Variants in NRG3 observed in about 807,000 individuals in gnomAD.
NRG3 encodes the protein neuregulin 3, also known as pro-neuregulin-3, membrane-bound isoform.
NRG3 carries 31 observed loss-of-function variants against 66.9 expected under a neutral mutation model. That is an observed-to-expected ratio of 0.46 (90% CI 0.35 to 0.63). The LOEUF (loss-of-function observed/expected upper bound fraction) is 0.63. Ranked by LOEUF, NRG3 falls within the 20% of genes least tolerant of loss-of-function variation. NRG3 has a pLI of 0.00. For synonymous variants in NRG3, 393 were observed against 359.4 expected (o/e 1.09, Z -1.06); for missense variants, 910 against 878.9 (o/e 1.04, Z -0.45).
chr10:82,785,197 G>GC (rs940071120), intron 3 of NRG3, among the ~76,000 whole-genome samples: 4 of 150,474 alleles, frequency 2.7e-5, no homozygotes, highest in African/African-American at 9.8e-5. Flanking sequence ...CACTCTGGGG[G>GC]CTGTTGTGGG....
chr10:82,354,560 T>G lies in NRG3; in HGVS notation c.824-4179T>G, dbSNP rs371716090. On this transcript the variant is annotated intron_variant, in intron 1 of 8. Transcript: ENST00000372141. Reference sequence around the variant, plus strand: ...TGCCTGCCACCATGCCTGGCTAATTTTTTGTATTTTTAGTAGAGACAGGGT... The same window carrying G: ...TGCCTGCCACCATGCCTGGCTAATTGTTTGTATTTTTAGTAGAGACAGGGT... Among the ~76,000 whole-genome samples the G allele has an allele frequency of 5.9e-5, 9 of 151,984 alleles. No individual in the cohort carries two copies. The East Asian group carries it at 7.7e-4, about 13-fold the overall frequency.
chr10:82,026,419 A>G (rs1329589670), intron 1 of NRG3, among the ~76,000 whole-genome samples: 1 of 152,106 alleles, frequency 6.6e-6, no homozygotes, highest in East Asian at 1.9e-4. Flanking sequence ...GGAGTGCTAG[A>G]AAAAGCTAAA....
chr10:81,886,230 G>A (rs1842604648), intron 1 of NRG3, among the ~76,000 whole-genome samples: 1 of 152,160 alleles, frequency 6.6e-6, no homozygotes, highest in Admixed American at 6.5e-5. Context: ...AGCAGGTACA[G>A]TTGGTAGCAC....
In NRG3 at chr10:82,461,709, CA is replaced by C. The variant is rs558366760; in HGVS notation, c.953+102842del. Among the ~76,000 whole-genome samples, 665 of 96,180 alleles carry C rather than the reference CA, an allele frequency of 6.9e-3. 5 individuals carry two copies. Among genetic ancestry groups the C allele is most frequent in the Non-Finnish European group, 9.8e-3 (536 of 54,420 alleles). The allele number at this position is 96,180 out of a possible 152,430, so 63.1% of individuals were successfully genotyped here. A position where few individuals can be genotyped will look rare whatever the true frequency, so the allele number is the denominator to read the frequency against. On this transcript the variant is annotated intron_variant, in intron 2 of 8. Coordinates refer to ENST00000372141, the MANE Select transcript of NRG3 (RefSeq NM_001010848.4). ...TACTCTATTTTGGCAACACCTGGCA[CA>C]GTGCTTGATACTTGATACAGGTGCA...
chr10:82,734,540 C>T (rs2134689815), intron 2 of NRG3, among the ~76,000 whole-genome samples: 1 of 152,180 alleles, frequency 6.6e-6, no homozygotes, highest in Non-Finnish European at 1.5e-5. Flanking sequence ...AAGACTCCTG[C>T]CCCCTCCCCA....
intron 2 of NRG3, among the ~76,000 whole-genome samples, chr10:82,441,440 G>A (rs965041114): frequency 6.6e-6 from 1 of 152,138 alleles, no homozygotes; most frequent in African/African-American, 2.4e-5. Flanking sequence ...TTTCAAATCC[G>A]GGGTCTGCTA....
intron 1 of NRG3, among the ~76,000 whole-genome samples, chr10:82,215,842 A>G (rs1005130970): frequency 6.6e-6 from 1 of 152,104 alleles, no homozygotes. Context: ...CCCTTTATAA[A>G]TAGTTAAAAT....
intron 1 of NRG3, among the ~76,000 whole-genome samples, chr10:82,105,856 T>C (rs1439084842): frequency 6.6e-6 from 1 of 152,186 alleles, no homozygotes; most frequent in Non-Finnish European, 1.5e-5. Flanking sequence ...TTTCCACGAA[T>C]ACTGCAGATA....
At chr10:82,285,162 C>G (rs1032746589) in intron 1 of NRG3, among the ~76,000 whole-genome samples, 1 of 152,178 alleles carries the variant, frequency 6.6e-6, no homozygotes, top group East Asian at 1.9e-4. Context: ...TAACTGCCTT[C>G]TGAGATGTTT....
At chr10:82,191,340 C>G (rs901965480) in intron 1 of NRG3, among the ~76,000 whole-genome samples, 97 of 152,050 alleles carry the variant, frequency 6.4e-4, no homozygotes, top group African/African-American at 2.3e-3. Context: ...TTCAAGCAAG[C>G]CTATGACTCT....
At chr10:82,762,108 C>T (rs2059352113) in intron 3 of NRG3, among the ~76,000 whole-genome samples, 1 of 149,940 alleles carries the variant, frequency 6.7e-6, no homozygotes, top group Non-Finnish European at 1.5e-5. Flanking sequence ...GGTGGGAGTG[C>T]AGTGGTGCAA....
intron 3 of NRG3, among the ~76,000 whole-genome samples, chr10:82,792,840 C>G (rs1265205320): frequency 6.6e-6 from 1 of 151,980 alleles, no homozygotes; most frequent in African/African-American, 2.4e-5. Context: ...GCCACAACGC[C>G]CAGCTAATTT....
chr10:82,230,724 CAG>C (rs2076413759), intron 1 of NRG3, among the ~76,000 whole-genome samples: 1 of 151,632 alleles, frequency 6.6e-6, no homozygotes, highest in African/African-American at 2.4e-5. Flanking sequence ...GTTTACAGAA[CAG>C]AATGAAAATG....
chr10:82,359,344 T>C (rs948437194), intron 2 of NRG3, among the ~76,000 whole-genome samples: 2 of 152,192 alleles, frequency 1.3e-5, no homozygotes, highest in South Asian at 2.1e-4. Context: ...TTTTATTTTG[T>C]TTCTGCCTTC....
intron 1 of NRG3, among the ~76,000 whole-genome samples, chr10:82,143,773 T>A (rs543731379): frequency 1.2e-4 from 18 of 152,218 alleles, no homozygotes; most frequent in Non-Finnish European, 2.2e-4. Flanking sequence ...CTTACGCCTG[T>A]TATCCCAGCA....
intron 2 of NRG3, among the ~76,000 whole-genome samples, chr10:82,561,165 C>A (rs1054298581): frequency 1.3e-5 from 2 of 152,078 alleles, no homozygotes; most frequent in African/African-American, 4.8e-5. Context: ...AAAAAGAAAG[C>A]TAGACTTAGG....
At chr10:82,567,424 A>G (rs1368827280) in intron 2 of NRG3, among the ~76,000 whole-genome samples, 1 of 151,940 alleles carries the variant, frequency 6.6e-6, no homozygotes, top group Non-Finnish European at 1.5e-5. Flanking sequence ...AATACACACT[A>G]CCCACAGTTA....
chr10:82,860,446 G>A (rs1173319746), intron 3 of NRG3, among the ~76,000 whole-genome samples: 1 of 152,122 alleles, frequency 6.6e-6, no homozygotes, highest in Non-Finnish European at 1.5e-5. Context: ...GAGTATAACT[G>A]GTAGCTAAGA....
At chr10:82,687,525 T>C (rs1350072921) in intron 2 of NRG3, among the ~76,000 whole-genome samples, 2 of 152,100 alleles carry the variant, frequency 1.3e-5, no homozygotes, top group Non-Finnish European at 2.9e-5. Context: ...ATTCTGCTTT[T>C]TGTTTGTTTG....
Sources: gnomAD v4.1 joint callset for allele counts (sites outside exome capture counted in the v4.1 genomes callset) on GRCh38, gnomAD v4.1.1 for gene constraint, MANE v1.5 for transcripts, NCBI Gene and HGNC (gene_info 2026-07-23, HGNC 2026-07-21) for gene names.